GNAT3: variants seen among roughly 807,000 people sequenced by gnomAD.
The protein encoded by GNAT3 is G protein subunit alpha transducin 3.
A neutral mutation model predicts 37.7 loss-of-function variants in GNAT3; 31 were observed. That is an observed-to-expected ratio of 0.82 (90% CI 0.62 to 1.11). The LOEUF (loss-of-function observed/expected upper bound fraction) is 1.11. Among genes scored for constraint, GNAT3 ranks in the 50% most tolerant of loss-of-function variants. GNAT3 has a pLI of 0.00. For missense variants in GNAT3, 437 were observed against 412.5 expected (o/e 1.06, Z -0.51); for synonymous variants, 138 against 139.8 (o/e 0.99, Z 0.09).
chr7:80,490,412 T>C (rs1206884238), intron 2 of GNAT3, among the ~76,000 whole-genome samples: 1 of 152,140 alleles, frequency 6.6e-6, no homozygotes, highest in Non-Finnish European at 1.5e-5. Context: ...AAAGAGATTT[T>C]TAAACATTAT....
At position 80,478,938 on chromosome 7, in the gene GNAT3, G is replaced by T; in HGVS notation, c.364C>A (p.Gln122Lys). The part of the protein sequence containing the change: ...NTLEDGGMTP[Q>K]LAEVIKRLWR... Reference sequence around the variant, plus strand: ...AGCCGTTTTATTACCTCAGCCAGTTGAGGTGTCATGCCACCATCTTCCAGG... The same window carrying T: ...AGCCGTTTTATTACCTCAGCCAGTTTAGGTGTCATGCCACCATCTTCCAGG... The change falls in exon 4 of 8, where the codon CAA (glutamine) becomes AAA (lysine). Residue 122 changes from glutamine to lysine, a missense_variant. Transcript: ENST00000398291. The T allele has an allele frequency of 6.2e-7, 1 of 1,613,024 alleles. No homozygotes were observed. Among genetic ancestry groups the T allele is most frequent in the Non-Finnish European group, 8.5e-7 (1 of 1,179,340 alleles).
chr7:80,469,042 A>G (rs1390607919), intron 5 of GNAT3, among the ~76,000 whole-genome samples: 1 of 152,100 alleles, frequency 6.6e-6, no homozygotes, highest in Non-Finnish European at 1.5e-5. Flanking sequence ...GAGATCTTAT[A>G]AAGACTAGGA....
chr7:80,471,145 T>G (rs1790209476), intron 5 of GNAT3, among the ~76,000 whole-genome samples: 1 of 150,038 alleles, frequency 6.7e-6, no homozygotes, highest in Non-Finnish European at 1.5e-5. Flanking sequence ...TGAGGGGAAC[T>G]GAGGCGGAAG....
intron 5 of GNAT3, among the ~76,000 whole-genome samples, chr7:80,471,773 C>A (rs1049240342): frequency 6.6e-6 from 1 of 152,060 alleles, no homozygotes; most frequent in African/African-American, 2.4e-5. Context: ...TCTAGCACTT[C>A]CGTGAAAGAC....
intron 3 of GNAT3, among the ~76,000 whole-genome samples, chr7:80,485,829 T>G (rs2116184973): frequency 6.6e-6 from 1 of 152,296 alleles, no homozygotes; most frequent in African/African-American, 2.4e-5. Flanking sequence ...ATGTTTTTGC[T>G]TCCTTCTTTA....
chr7:80,494,712 T>C, intron 1 of GNAT3, 65 bp from the exon 2 acceptor site: 1 of 917,082 alleles, frequency 1.1e-6, no homozygotes, highest in Non-Finnish European at 1.7e-6. Flanking sequence ...TTAAAAACTA[T>C]CACTTTTCAT....
At chr7:80,495,913 C>T (rs1179461364) in intron 1 of GNAT3, among the ~76,000 whole-genome samples, 5 of 151,988 alleles carry the variant, frequency 3.3e-5, no homozygotes, top group Admixed American at 1.3e-4. Context: ...GCTTTTTTCT[C>T]GTTGAGTTGT....
intron 3 of GNAT3, among the ~76,000 whole-genome samples, chr7:80,486,943 A>C (rs969512270): frequency 6.6e-6 from 1 of 152,042 alleles, no homozygotes; most frequent in Admixed American, 6.6e-5. Context: ...ACATCATTAA[A>C]TCATTCTCAA....
At chr7:80,499,274 G>A (rs1790790835) in intron 1 of GNAT3, among the ~76,000 whole-genome samples, 1 of 152,178 alleles carries the variant, frequency 6.6e-6, no homozygotes, top group Non-Finnish European at 1.5e-5. Flanking sequence ...CTAAAGCTGT[G>A]TCATATCGCT....
At chr7:80,467,025 C>T (rs1346500014) in intron 5 of GNAT3, among the ~76,000 whole-genome samples, 1 of 152,096 alleles carries the variant, frequency 6.6e-6, no homozygotes, top group Non-Finnish European at 1.5e-5. Flanking sequence ...ACAGTATTTA[C>T]CCATTTCTTT....
intron 2 of GNAT3, among the ~76,000 whole-genome samples, chr7:80,490,746 T>C (rs1414173189): frequency 1.3e-5 from 2 of 152,182 alleles, no homozygotes; most frequent in Non-Finnish European, 2.9e-5. Context: ...AAGTAAGAAA[T>C]GTCAGCATAG....
chr7:80,508,686 G>T (rs949543460), intron 1 of GNAT3, among the ~76,000 whole-genome samples: 11 of 151,934 alleles, frequency 7.2e-5, no homozygotes, highest in Non-Finnish European at 1.6e-4. Flanking sequence ...TTTTACTGAA[G>T]GTCTGAAAGG....
intron 5 of GNAT3, among the ~76,000 whole-genome samples, chr7:80,472,925 T>C (rs1200855617): frequency 1.3e-5 from 2 of 152,174 alleles, no homozygotes; most frequent in Non-Finnish European, 2.9e-5. Flanking sequence ...CACTCAGTTC[T>C]AGTCTGTTTC....
At chr7:80,484,717 GGTTT>G (rs1790447714) in intron 3 of GNAT3, among the ~76,000 whole-genome samples, 1 of 151,608 alleles carries the variant, frequency 6.6e-6, no homozygotes, top group Non-Finnish European at 1.5e-5. Context: ...AAAAAAAGAG[GGTTT>G]GTTAACCCTC....
chr7:80,460,877 A>G (rs1164280569), intron 7 of GNAT3, among the ~76,000 whole-genome samples: 1 of 152,088 alleles, frequency 6.6e-6, no homozygotes, highest in Non-Finnish European at 1.5e-5. Context: ...AAACTGTAGG[A>G]GGGGATGGGA....
chr7:80,490,520 G>A (rs963690754), intron 2 of GNAT3, among the ~76,000 whole-genome samples: 7 of 152,032 alleles, frequency 4.6e-5, no homozygotes, highest in African/African-American at 7.2e-5. Context: ...AAGACATCCC[G>A]GAAGCAGTGA....
In GNAT3 at chr7:80,488,585, C is replaced by T. The variant is rs772886967; in HGVS notation, c.253G>A (p.Val85Met). ...ATTCCAAGGGTAGTCATGGCTTTCA[C>T]AATAGCTAGGATGGATTGCAATGTA... The part of the protein sequence containing the change: ...SNTLQSILAI[V>M]KAMTTLGIDY... Residue 85 changes from valine (V) to methionine (M), a missense_variant, in exon 3 of 8, where the codon GTG (valine) becomes ATG (methionine). Coordinates refer to ENST00000398291, the MANE Select transcript of GNAT3 (RefSeq NM_001102386.3). 1.3e-6 allele frequency: 2 copies of T among 1,599,752 alleles called. No homozygotes were observed. Among genetic ancestry groups the T allele is most frequent in the Non-Finnish European group, 1.7e-6 (2 of 1,171,776 alleles).
rs761848440 is a variant in GNAT3 at position 80,474,321 on chromosome 7, C to A, written c.520G>T (p.Val174Phe). ...GTCGTTTTCACTCGAGAATGGAGAA[C>A]ATCTTGTTCATTTGGCACATACCCA... ...ASGYVPNEQD[V>F]LHSRVKTTGI... The change falls in exon 5 of 8, where the codon GTT becomes TTT. Residue 174 changes from valine (V) to phenylalanine (F), a missense_variant. Transcript: ENST00000398291. 3 of 1,572,516 alleles carry A rather than the reference C, an allele frequency of 1.9e-6. No individual in the cohort carries two copies. Among genetic ancestry groups the A allele is most frequent in the Non-Finnish European group, 2.6e-6 (3 of 1,156,252 alleles).
chr7:80,511,861 C>T lies in GNAT3; in HGVS notation c.66G>A (p.Lys22=), dbSNP rs200959065. ...SAKRSKELEK[K]LQEDAERDAR... ...CATCTCGCTCAGCATCCTCCTGAAG[C>T]TTTTTCTCCAGTTCTTTTGATCTTT... The change falls in exon 1 of 8, where the codon AAG becomes AAA. Residue 22 remains lysine, a synonymous_variant. Coordinates refer to ENST00000398291, the MANE Select transcript of GNAT3 (RefSeq NM_001102386.3). The T allele has an allele frequency of 6.2e-7, 1 of 1,612,404 alleles. No individual in the cohort carries two copies. The highest frequency in any genetic ancestry group is 8.5e-7 in the Non-Finnish European group (1 of 1,179,010).
Sources: allele counts gnomAD v4.1 joint callset (sites outside exome capture counted in the v4.1 genomes callset), GRCh38; gene constraint gnomAD v4.1.1; transcripts MANE v1.5; gene names NCBI Gene and HGNC (gene_info 2026-07-23, HGNC 2026-07-21).